Variants in SLC12A5 observed in about 807,000 individuals in gnomAD.
SLC12A5 encodes the protein solute carrier family 12 member 5.
A neutral mutation model predicts 124.0 loss-of-function variants in SLC12A5; 18 were observed. The ratio of observed to expected loss-of-function variants is 0.15; its 90% CI spans 0.10 to 0.22. The LOEUF is 0.22. SLC12A5 is among the 10% of genes least tolerant of loss of function. The pLI is 1.00. For missense variants in SLC12A5, 867 were observed against 1,478.7 expected, an observed-to-expected ratio of 0.59 and a Z score of 6.78; for synonymous variants, 589 against 568.0, an observed-to-expected ratio of 1.04 and a Z score of -0.53.
intron 6 of SLC12A5, 31 bp from the exon 7 acceptor site, chr20:46,040,342 G>T (rs747994334): frequency 3.7e-6 from 6 of 1,610,624 alleles, no homozygotes; most frequent in Admixed American, 1.7e-5. Flanking sequence ...TGCTGACTTA[G>T]GTATCTGTTC....
chr20:46,053,496 A>T lies in SLC12A5; in HGVS notation c.2548-82A>T. On this transcript the variant is annotated intron_variant, in intron 19 of 25. Transcript: ENST00000243964. This position sits in a 1 kb window ranked among gnomAD's most constrained non-coding sequence, Gnocchi z 4.7. The stretch of plus-strand genomic sequence containing the variant: ...GTGAGGAGTGGGTGGGAAGAGGGGA[A>T]GGGTGAGCGGACAGGGCCTGGCCCT... 6.4e-7 allele frequency: 1 copy of T among 1,566,832 alleles called. No individual in the cohort carries two copies. The highest frequency in any genetic ancestry group is 1.1e-5 in the South Asian group (1 of 88,330).
At chr20:46,048,730 G>C (rs1162957515) in intron 16 of SLC12A5, among the ~76,000 whole-genome samples, 1 of 152,094 alleles carries the variant, frequency 6.6e-6, no homozygotes, top group Non-Finnish European at 1.5e-5. Context: ...AATTAGCCAG[G>C]CATGGTGGCG....
intron 20 of SLC12A5, 95 bp from the exon 21 acceptor site, chr20:46,054,821 C>G: frequency 1.8e-4 from 151 of 821,976 alleles, no homozygotes; most frequent in Non-Finnish European, 2.7e-4. Context: ...GGGGGCCTTC[C>G]TTCCTTCCCT....
At chr20:46,052,521 C>T (rs1429007788) in intron 18 of SLC12A5, among the ~76,000 whole-genome samples, 1 of 152,204 alleles carries the variant, frequency 6.6e-6, no homozygotes, top group African/African-American at 2.4e-5. Flanking sequence ...TGGCAAACTA[C>T]AGAGTAAATG....
Position 46,053,835 on chromosome 20 carries a change from CT to C in SLC12A5, c.2679+128del. On this transcript the variant is annotated intron_variant, in intron 20 of 25. Coordinates refer to ENST00000243964, the MANE Select transcript of SLC12A5 (RefSeq NM_020708.5). The surrounding 1 kb of genome is among the most constrained non-coding windows in gnomAD (Gnocchi z 4.7). ...TGGATCCTTTCCCCCTCATCCATCT[CT>C]TAGCCTCTCACATATTCAGCCATCC... 9.1e-7 allele frequency: 1 copy of C among 1,103,006 alleles called. No homozygotes were observed. Among genetic ancestry groups the C allele is most frequent in the Non-Finnish European group, 1.3e-6 (1 of 799,194 alleles). The allele number at this position is 1,103,006 out of a possible 1,614,324, so 68.3% of individuals were successfully genotyped here. A position where few individuals can be genotyped will look rare whatever the true frequency, so the allele number is the denominator to read the frequency against.
In SLC12A5 at chr20:46,036,767, T is replaced by C. The variant is rs771311536; in HGVS notation, c.453T>C (p.Ser151=). The C allele has an allele frequency of 1.2e-6, 2 of 1,613,782 alleles. No individual in the cohort carries two copies. The highest frequency in any genetic ancestry group is 2.2e-5 in the South Asian group (2 of 91,062). The stretch of plus-strand genomic sequence containing the variant: ...CGATGCTCACGGCCATCTCCATGAG[T>C]GCAATTGCAACGAATGGTGTTGTGC... ...SCTMLTAISM[S]AIATNGVVPA... Residue 151 remains serine, a synonymous_variant, in exon 5 of 26, where the codon AGT becomes AGC. Transcript: ENST00000243964.
At chr20:46,028,744 G>A (rs965569614), upstream of SLC12A5, among the ~76,000 whole-genome samples, 1 of 152,156 alleles carries the variant, frequency 6.6e-6, no homozygotes, top group East Asian at 1.9e-4. Flanking sequence ...AGGGCCCCAT[G>A]TTCCATGGCG....
rs1366142794 is a variant in SLC12A5, at chr20:46,043,199, G to C, written c.1113G>C (p.Arg371Ser). ...TGACCAAGGGCGTGATTGTGGAGAG[G>C]AGTGGGATGACCTCGGTGGGCCTGG... ...SYLTKGVIVE[R>S]SGMTSVGLAD... is the part of the protein sequence containing the mutation. Residue 371 changes from arginine (R) to serine (S), a missense_variant, in exon 9 of 26, where the codon AGG becomes AGC. Transcript: ENST00000243964. 6.2e-7 allele frequency: 1 copy of C among 1,613,992 alleles called. No homozygotes were observed.
chr20:46,030,136 C>A (rs1055938281), intron 1 of SLC12A5, among the ~76,000 whole-genome samples: 1 of 152,084 alleles, frequency 6.6e-6, no homozygotes, highest in African/African-American at 2.4e-5. Context: ...CCCGTGGGTT[C>A]CTATTCAGGA....
intron 1 of SLC12A5, chr20:46,022,731 G>C (rs953730805): frequency 1.0e-5 from 4 of 398,268 alleles, no homozygotes; most frequent in African/African-American, 8.2e-5. Context: ...CTTCCTCGCG[G>C]GCCCTGTGCA....
In SLC12A5 at chr20:46,045,282, A is replaced by AG; in HGVS notation, c.1569+142_1569+143insG. On this transcript the variant is annotated intron_variant, in intron 12 of 25. Transcript: ENST00000243964. The surrounding 1 kb of genome is among the most constrained non-coding windows in gnomAD (Gnocchi z 4.9). The stretch of plus-strand genomic sequence containing the variant: ...GCTCTGTACTGCACTGGCCAGGCCT[A>AG]TCTGGCAGGGTCTGAGGCACAGGGA... 9.7e-7 allele frequency: 1 copy of AG among 1,032,474 alleles called. No homozygotes were observed. Among genetic ancestry groups the AG allele is most frequent in the Non-Finnish European group, 1.3e-6 (1 of 745,252 alleles). The allele number at this position is 1,032,474 out of a possible 1,614,324, so 64.0% of individuals were successfully genotyped here.
chr20:46,046,212 A>G, intron 13 of SLC12A5, 126 bp from the exon 14 acceptor site: 3 of 908,974 alleles, frequency 3.3e-6, no homozygotes, highest in Non-Finnish European at 5.3e-6. Context: ...CTTCCTAAGC[A>G]CCACAGCATG....
At chr20:46,049,519 T>G in intron 16 of SLC12A5, 103 bp from the exon 17 acceptor site, 1 of 1,412,472 alleles carries the variant, frequency 7.1e-7, no homozygotes, top group Non-Finnish European at 9.7e-7. Flanking sequence ...ATGGGACAGA[T>G]GGTTATAGAG....
chr20:46,035,785 C>T lies in SLC12A5; in HGVS notation c.288C>T (p.Arg96=), dbSNP rs1310619032. The change falls in exon 4 of 26, where the codon CGC becomes CGT. Residue 96 remains arginine, a synonymous_variant. Coordinates refer to ENST00000243964, the MANE Select transcript of SLC12A5 (RefSeq NM_020708.5). ...GCTGGCCTCCCTGGCAGGCCCCACG[C>T]ATGGGCACCTTCATGGGCGTGTACC... The part of the protein sequence containing the change: ...GGKKKPVQAP[R]MGTFMGVYLP... 2 of 1,612,704 alleles carry T rather than the reference C, an allele frequency of 1.2e-6. No individual in the cohort carries two copies.
upstream of SLC12A5, chr20:46,029,207 G>T: frequency 7.0e-7 from 1 of 1,436,454 alleles, no homozygotes; most frequent in Non-Finnish European, 9.1e-7. Context: ...TGCGCCGGGC[G>T]GGCGGGCACT....
At position 46,059,783 on chromosome 20, in the gene SLC12A5, T is replaced by G; in HGVS notation, c.*2178T>G. The stretch of plus-strand genomic sequence containing the variant: ...CCATTCAAGTGACTTTTATTCTGAG[T>G]GCAATATTTCAATAGCCTTGTAGTG... On this transcript the variant is annotated 3_prime_UTR_variant, in exon 26 of 26. Transcript: ENST00000243964. The G allele has an allele frequency of 5.0e-6, 2 of 397,636 alleles. No homozygotes were observed. Among genetic ancestry groups the G allele is most frequent in the Non-Finnish European group, 4.4e-6 (1 of 225,586 alleles). 24.6% of individuals were successfully genotyped at this position (397,636 alleles called of 1,614,324 possible).
At chr20:46,039,218 T>C (rs1692371686) in intron 6 of SLC12A5, among the ~76,000 whole-genome samples, 1 of 152,220 alleles carries the variant, frequency 6.6e-6, no homozygotes, top group Non-Finnish European at 1.5e-5. Context: ...TGGAAGAATG[T>C]AAACGTTAAT....
At chr20:46,055,282 G>T (rs1182744310) in intron 21 of SLC12A5, among the ~76,000 whole-genome samples, 1 of 152,218 alleles carries the variant, frequency 6.6e-6, no homozygotes, top group East Asian at 1.9e-4. Context: ...GACTTCTGGA[G>T]CCTGAGAGAG....
In SLC12A5 at chr20:46,039,729, C is replaced by T. The variant is rs991924644; in HGVS notation, c.613-644C>T. Among the ~76,000 whole-genome samples, 4 of 151,980 alleles carry T rather than the reference C, an allele frequency of 2.6e-5. No individual in the cohort carries two copies. In the East Asian group the frequency reaches 5.8e-4, roughly 22 times the overall value. On this transcript the variant is annotated intron_variant, in intron 6 of 25. Coordinates refer to ENST00000243964, the MANE Select transcript of SLC12A5 (RefSeq NM_020708.5). ...GGTGGAGGTTGCAGTGAGCCAAGAT[C>T]GTGCCACTGCACTCCAGCCTGGGCA...
Sources: allele counts gnomAD v4.1 joint callset (sites outside exome capture counted in the v4.1 genomes callset), GRCh38; gene constraint gnomAD v4.1.1; non-coding constraint Gnocchi (gnomAD v3.1); transcripts MANE v1.5; gene names NCBI Gene and HGNC (gene_info 2026-07-23, HGNC 2026-07-21).